The following RGMA variants were observed in gnomAD, a reference collection of about 807,000 sequenced individuals.
The protein encoded by RGMA is repulsive guidance molecule A.
In RGMA, 10 loss-of-function variants were observed where a neutral mutation model predicts 23.2. The ratio of observed to expected loss-of-function variants is 0.43; its 90% CI spans 0.27 to 0.73. The LOEUF is 0.73. Ranked by LOEUF, RGMA falls within the 30% of genes least tolerant of loss-of-function variation. RGMA has a pLI of 0.20. For synonymous variants in RGMA, 308 were observed against 279.3 expected, an observed-to-expected ratio of 1.10 and a Z score of -1.03; for missense variants, 547 against 630.5, an observed-to-expected ratio of 0.87 and a Z score of 1.42.
At chr15:93,065,435 C>A (rs1290824924) in intron 2 of RGMA, among the ~76,000 whole-genome samples, 3 of 149,530 alleles carry the variant, frequency 2.0e-5, no homozygotes, top group Non-Finnish European at 3.0e-5. Flanking sequence ...TTGCTTTGGC[C>A]CTCCTGAGTC....
intron 2 of RGMA, among the ~76,000 whole-genome samples, chr15:93,068,893 C>T (rs942923303): frequency 4.6e-5 from 7 of 152,092 alleles, no homozygotes; most frequent in African/African-American, 1.7e-4. Context: ...CTGTAAGGCA[C>T]CATCTACAAA....
intron 2 of RGMA, among the ~76,000 whole-genome samples, chr15:93,059,896 C>T (rs956938160): frequency 4.6e-5 from 7 of 152,178 alleles, no homozygotes; most frequent in East Asian, 1.9e-4. Context: ...CTGATGCGAA[C>T]GTCCATGGAA....
chr15:93,064,567 G>A (rs1895078617), intron 2 of RGMA, among the ~76,000 whole-genome samples: 1 of 152,232 alleles, frequency 6.6e-6, no homozygotes, highest in Non-Finnish European at 1.5e-5. Flanking sequence ...CCCAGCCTGC[G>A]CACACGCGTG....
chr15:93,048,073 G>A (rs901191963), intron 3 of RGMA, among the ~76,000 whole-genome samples: 16 of 152,160 alleles, frequency 1.1e-4, no homozygotes, highest in South Asian at 6.2e-4. Flanking sequence ...CTCAGGACCA[G>A]GTGCTAAGAG....
intron 2 of RGMA, among the ~76,000 whole-genome samples, chr15:93,070,386 C>T (rs900326934): frequency 3.3e-5 from 5 of 152,194 alleles, no homozygotes; most frequent in East Asian, 1.9e-4. Context: ...CTGTCTTCAA[C>T]GGGAGAGGCC....
chr15:93,062,038 T>C (rs1437850481), intron 2 of RGMA, among the ~76,000 whole-genome samples: 2 of 151,470 alleles, frequency 1.3e-5, no homozygotes, highest in African/African-American at 4.9e-5. Flanking sequence ...GCAAAGGGAT[T>C]AGATCAGGTT....
intron 3 of RGMA, among the ~76,000 whole-genome samples, chr15:93,047,901 G>A (rs919298979): frequency 2.0e-5 from 3 of 152,228 alleles, no homozygotes; most frequent in Non-Finnish European, 4.4e-5. Flanking sequence ...GGGCAGGCAG[G>A]GAAACCACAG....
intron 1 of RGMA, among the ~76,000 whole-genome samples, chr15:93,076,098 T>C (rs1218305008): frequency 2.0e-5 from 3 of 152,206 alleles, no homozygotes; most frequent in Non-Finnish European, 4.4e-5. Flanking sequence ...AACTCAAAAG[T>C]GTAGTTGACT....
Position 93,045,243 on chromosome 15 carries a change from C to A in RGMA, c.1108G>T (p.Val370Leu). 5 of 1,613,102 alleles carry A rather than the reference C, an allele frequency of 3.1e-6. No homozygotes were observed. Among genetic ancestry groups the A allele is most frequent in the Non-Finnish European group, 4.2e-6 (5 of 1,179,744 alleles). ...CAGGCCTGGTAGTACAGGTCCTCCACCGGCAGCTTCTCCTTGCACTTGGCC... is the reference window on the plus strand; with the variant it reads ...CAGGCCTGGTAGTACAGGTCCTCCAACGGCAGCTTCTCCTTGCACTTGGCC... ...AVAKCKEKLP[V>L]EDLYYQACVF... Residue 370 changes from valine to leucine, a missense_variant, in exon 4 of 4, where the codon GTG (valine) becomes TTG (leucine). Val to Leu is a conservative substitution (Grantham distance 32). Around this residue, in one of 3 missense-constraint regions of RGMA, gnomAD observed 205 missense variants for 204.1 expected, o/e 1.00. Transcript: ENST00000329082. This position sits in a 1 kb window ranked among gnomAD's most constrained non-coding sequence, Gnocchi z 6.9.
chr15:93,066,151 G>C, intron 2 of RGMA: 1 of 1,363,978 alleles, frequency 7.3e-7, no homozygotes, highest in Non-Finnish European at 1.0e-6. Context: ...CCCGGGCCCA[G>C]TTACATTAGC....
intron 1 of RGMA, chr15:93,088,299 G>C: frequency 1.0e-6 from 1 of 985,510 alleles, no homozygotes; most frequent in Non-Finnish European, 1.2e-6. Flanking sequence ...GAGCTGCGGC[G>C]CGAGCCGGCG....
At chr15:93,066,455 C>T (rs528749716) in intron 2 of RGMA, 1 of 587,150 alleles carries the variant, frequency 1.7e-6, no homozygotes, top group Non-Finnish European at 3.2e-6. Flanking sequence ...GCCGGGTTGC[C>T]ACGGGTGCGG....
intron 3 of RGMA, among the ~76,000 whole-genome samples, chr15:93,050,492 C>G (rs1018099259): frequency 6.6e-6 from 1 of 152,192 alleles, no homozygotes; most frequent in Non-Finnish European, 1.5e-5. Context: ...CAAAGGTGGC[C>G]TTCGGTTGCA....
chr15:93,056,653 TTCCC>T (rs1239847604), intron 2 of RGMA, among the ~76,000 whole-genome samples: 2 of 152,086 alleles, frequency 1.3e-5, no homozygotes, highest in African/African-American at 2.4e-5. Flanking sequence ...TGCCCCACTA[TTCCC>T]TCCAAGTTCT....
chr15:93,073,939 C>A (rs1318625949), intron 1 of RGMA: 1 of 1,430,342 alleles, frequency 7.0e-7, no homozygotes, highest in African/African-American at 1.4e-5. Context: ...GATGGTTTGG[C>A]GCTCTCTGCG....
At chr15:93,073,228 A>C in intron 1 of RGMA, 197 bp from the exon 2 acceptor site, 1 of 1,137,428 alleles carries the variant, frequency 8.8e-7, no homozygotes, top group Non-Finnish European at 1.1e-6. Flanking sequence ...GCCAATGTCG[A>C]CGCGGCCCCG....
At chr15:93,065,063 C>T (rs924880734) in intron 2 of RGMA, among the ~76,000 whole-genome samples, 3 of 151,592 alleles carry the variant, frequency 2.0e-5, no homozygotes, top group African/African-American at 4.9e-5. Flanking sequence ...CTGCAACCTC[C>T]GCATCCCAGG....
At position 93,045,120 on chromosome 15, in the gene RGMA, GTT is replaced by G; in HGVS notation, c.1229_1230del (p.Lys410ThrfsTer5). 6.3e-7 allele frequency: 1 copy of G among 1,594,856 alleles called. No homozygotes were observed. Among genetic ancestry groups the G allele is most frequent in the South Asian group, 1.1e-5 (1 of 88,076 alleles). ...DVKMLHSNKD[K>X]LHLYERTRDL... ...TCCCGAGTCCTCTCATACAGGTGCA[GTT>G]TGTCTTTGTTGGAGTGGAGCATCTT... On this transcript the variant is annotated frameshift_variant, in exon 4 of 4. Coordinates refer to ENST00000329082, the MANE Select transcript of RGMA (RefSeq NM_020211.3). LOFTEE classifies it low-confidence loss of function (END_TRUNC). The surrounding 1 kb of genome is among the most constrained non-coding windows in gnomAD (Gnocchi z 6.9).
intron 2 of RGMA, chr15:93,066,125 C>T (rs1204168183): frequency 6.6e-6 from 9 of 1,370,998 alleles, no homozygotes; most frequent in East Asian, 2.3e-5. Flanking sequence ...TAACAGCTGC[C>T]CTTCACGGGC....
Sources: allele counts gnomAD v4.1 joint callset (sites outside exome capture counted in the v4.1 genomes callset), GRCh38; gene constraint gnomAD v4.1.1; regional missense constraint gnomAD v4.1.1; non-coding constraint Gnocchi (gnomAD v3.1); transcripts MANE v1.5; gene names NCBI Gene and HGNC (gene_info 2026-07-23, HGNC 2026-07-21).